The following MYO1H variants were observed in gnomAD, a reference collection of about 807,000 sequenced individuals.
The protein encoded by MYO1H is myosin IH.
In MYO1H, 118 loss-of-function variants were observed where a neutral mutation model predicts 149.3. That is an observed-to-expected ratio of 0.79 (90% CI 0.68 to 0.92). The LOEUF is 0.92. Among genes scored for constraint, MYO1H ranks in the 40% least tolerant of loss-of-function variants. The pLI is 0.00. For synonymous variants in MYO1H, 447 were observed against 465.2 expected (o/e 0.96, Z 0.50); for missense variants, 1,212 against 1,280.7 (o/e 0.95, Z 0.82).
intron 3 of MYO1H, among the ~76,000 whole-genome samples, chr12:109,396,102 T>C (rs1869885978): frequency 6.6e-6 from 1 of 152,026 alleles, no homozygotes; most frequent in South Asian, 2.1e-4. Context: ...TATCTTTTTT[T>C]AGTACAGAAG....
At chr12:109,445,317 A>G (rs1363606592) in intron 30 of MYO1H, 196 bp from the exon 31 acceptor site, 2 of 520,388 alleles carry the variant, frequency 3.8e-6, no homozygotes, top group Non-Finnish European at 6.8e-6. Context: ...TCTCATGGTA[A>G]CTACAGAAAC....
chr12:109,333,225 C>G, the MYO1H span, among the ~76,000 whole-genome samples: 1 of 152,050 alleles, frequency 6.6e-6, no homozygotes, highest in South Asian at 2.1e-4. Flanking sequence ...GAGGTTGAGG[C>G]AGGAGAATCC....
chr12:109,406,944 G>A (rs1870422723), intron 9 of MYO1H, 84 bp downstream of exon 9: 2 of 1,271,980 alleles, frequency 1.6e-6, no homozygotes, highest in Non-Finnish European at 2.3e-6. Flanking sequence ...TGGCCTCAGG[G>A]GAGGCCAAAC....
intron 13 of MYO1H, among the ~76,000 whole-genome samples, chr12:109,411,237 G>A: frequency 6.6e-6 from 1 of 152,184 alleles, no homozygotes; most frequent in East Asian, 1.9e-4. Context: ...CTGAGTAGCT[G>A]GGACTACAAA....
At chr12:109,326,935 C>T in the MYO1H span, among the ~76,000 whole-genome samples, 2 of 152,014 alleles carry the variant, frequency 1.3e-5, no homozygotes, top group South Asian at 2.1e-4. Context: ...ACTTTCCCCC[C>T]ACTCTATGAA....
chr12:109,399,698 G>A (rs1219868338), intron 5 of MYO1H, among the ~76,000 whole-genome samples: 1 of 151,832 alleles, frequency 6.6e-6, no homozygotes, highest in African/African-American at 2.4e-5. Flanking sequence ...GATTGCTTGA[G>A]TCTAGGAGTT....
chr12:109,324,168 C>T, the MYO1H span, among the ~76,000 whole-genome samples: 3 of 152,128 alleles, frequency 2.0e-5, no homozygotes, highest in Non-Finnish European at 2.9e-5. Context: ...CTCCTGGACT[C>T]GGGGCACTAA....
intron 1 of MYO1H, among the ~76,000 whole-genome samples, chr12:109,362,059 TTC>T (rs1204382079): frequency 2.1e-4 from 30 of 140,640 alleles, no homozygotes; most frequent in African/African-American, 6.8e-4. Context: ...GCAGATTGCC[TTC>T]TGTTTAAGTT....
chr12:109,442,971 C>T (rs1300677755), intron 27 of MYO1H, among the ~76,000 whole-genome samples: 1 of 140,048 alleles, frequency 7.1e-6, no homozygotes, highest in African/African-American at 2.7e-5. Flanking sequence ...GCTAGGGATC[C>T]AAATCCCCAT....
rs367672077 is a variant in MYO1H at position 109,403,723 on chromosome 12, C to G, written c.751-259C>G. ...GATAAGAAAACTATGTTTAAAAACA[C>G]ATACAAAAAGATACACCACTTACAT... is the stretch of plus-strand genomic sequence containing the variant. On this transcript the variant is annotated intron_variant, in intron 6 of 31. Coordinates refer to ENST00000310903, the Ensembl canonical transcript of MYO1H. 3.9e-5 allele frequency among the ~76,000 whole-genome samples: 6 copies of G among 152,202 alleles called. No individual in the cohort carries two copies. The East Asian group carries it at 9.6e-4, about 24-fold the overall frequency.
chr12:109,322,713 G>A, the MYO1H span, among the ~76,000 whole-genome samples: 6 of 151,688 alleles, frequency 4.0e-5, no homozygotes, highest in East Asian at 3.9e-4. Flanking sequence ...CCAGCTACTC[G>A]GGAGGCTGAG....
intron 1 of MYO1H, among the ~76,000 whole-genome samples, chr12:109,363,072 A>G (rs1297885283): frequency 6.6e-6 from 1 of 152,102 alleles, no homozygotes; most frequent in African/African-American, 2.4e-5. Flanking sequence ...TTATCTCCGC[A>G]ATTAGGCACT....
chr12:109,346,577 A>G (rs2048103205), upstream of MYO1H, among the ~76,000 whole-genome samples: 2 of 152,140 alleles, frequency 1.3e-5, no homozygotes, highest in African/African-American at 2.4e-5. Flanking sequence ...CCTGGTCAAC[A>G]TGGTGAAACC....
At chr12:109,441,744 C>A in intron 26 of MYO1H, 36 bp downstream of exon 26, 4 of 1,497,804 alleles carry the variant, frequency 2.7e-6, no homozygotes, top group South Asian at 1.2e-5. Flanking sequence ...CTTGGCTTTC[C>A]AATTCTAAAA....
intron 1 of MYO1H, among the ~76,000 whole-genome samples, chr12:109,374,785 G>A (rs1869054815): frequency 6.6e-6 from 1 of 151,854 alleles, no homozygotes; most frequent in Non-Finnish European, 1.5e-5. Flanking sequence ...TAAAATTTTT[G>A]TCAGTTTGGT....
intron 15 of MYO1H, among the ~76,000 whole-genome samples, chr12:109,419,768 C>A (rs4766599): frequency 6.6e-6 from 1 of 151,640 alleles, no homozygotes; most frequent in East Asian, 1.9e-4. Flanking sequence ...ACTATGTTGC[C>A]CAGGCTAGTC....
At chr12:109,440,438 G>A (rs572579231) in intron 24 of MYO1H, 4 of 308,588 alleles carry the variant, frequency 1.3e-5, no homozygotes, top group East Asian at 7.6e-5. Context: ...ACTTAGAGGC[G>A]GGGCTGTTGT....
chr12:109,412,046 T>C (rs958689840), intron 14 of MYO1H, 61 bp downstream of exon 14: 10 of 1,184,936 alleles, frequency 8.4e-6, no homozygotes, highest in Non-Finnish European at 1.2e-5. Flanking sequence ...CCATTTTCTT[T>C]AGTATTTGGA....
rs755381696 is a variant in MYO1H at position 109,410,674 on chromosome 12, C to T, written c.1330-14C>T. ...AATATTTCTTGGAGAATTCATTCCTCTTTGTCATTTTAGTGGGAGCCAATT... is the reference window on the plus strand; with the variant it reads ...AATATTTCTTGGAGAATTCATTCCTTTTTGTCATTTTAGTGGGAGCCAATT... On this transcript the variant is annotated splice_polypyrimidine_tract_variant and intron_variant, in intron 12 of 31. Transcript: ENST00000310903. 4 of 1,574,138 alleles carry T rather than the reference C, an allele frequency of 2.5e-6. No homozygotes were observed. The highest frequency in any genetic ancestry group is 3.5e-6 in the Non-Finnish European group (4 of 1,150,934).
Sources: gnomAD v4.1 joint callset for allele counts (sites outside exome capture counted in the v4.1 genomes callset) on GRCh38, gnomAD v4.1.1 for gene constraint, MANE v1.5 for transcripts, NCBI Gene and HGNC (gene_info 2026-07-23, HGNC 2026-07-21) for gene names.